Variants in HJURP observed in about 807,000 individuals in gnomAD.
HJURP encodes the protein Holliday junction recognition protein.
HJURP carries 49 observed loss-of-function variants against 72.0 expected under a neutral mutation model. That is an observed-to-expected ratio of 0.68 (90% CI 0.54 to 0.86). The LOEUF (loss-of-function observed/expected upper bound fraction) is 0.86, where lower values mean the gene tolerates loss of function less well. Ranked by LOEUF, HJURP falls within the 40% of genes least tolerant of loss-of-function variation. The pLI is 0.00. For missense variants in HJURP, 908 were observed against 936.3 expected (o/e 0.97, Z 0.39); for synonymous variants, 357 against 347.1 (o/e 1.03, Z -0.32).
chr2:233,852,870 G>A (rs1181100097), intron 2 of HJURP, among the ~76,000 whole-genome samples: 1 of 152,128 alleles, frequency 6.6e-6, no homozygotes, highest in East Asian at 1.9e-4. Flanking sequence ...AGCCCAAAAA[G>A]TTAAATGAAA....
At chr2:233,842,257 C>T in intron 7 of HJURP, 52 bp from the exon 8 acceptor site, 1 of 1,453,088 alleles carries the variant, frequency 6.9e-7, no homozygotes, top group Non-Finnish European at 9.3e-7. Flanking sequence ...TCTAAACCAT[C>T]CATGTGCACA....
rs757273823 is a variant in HJURP, at chr2:233,849,820, C to A, written c.280G>T (p.Val94Leu). The stretch of plus-strand genomic sequence containing the variant: ...TCAGGACCCCAGGCTGCAGCTTGCA[C>A]GGAGCCATCTGTCCTGTCCGCGGGC... ...MKPADRTDGS[V>L]QAAAWGPELP... The change falls in exon 4 of 9, where the codon GTG (valine) becomes TTG (leucine). Residue 94 changes from valine to leucine, a missense_variant. Physicochemically the swap from Val to Leu is conservative, Grantham distance 32 (BLOSUM62 1). Coordinates refer to ENST00000411486, the MANE Select transcript of HJURP (RefSeq NM_018410.5). 1.3e-6 allele frequency: 2 copies of A among 1,554,312 alleles called. No homozygotes were observed. Among genetic ancestry groups the A allele is most frequent in the African/African-American group, 1.4e-5 (1 of 73,402 alleles).
chr2:233,838,104 G>A (rs1705125641), intron 8 of HJURP, among the ~76,000 whole-genome samples: 1 of 152,252 alleles, frequency 6.6e-6, no homozygotes, highest in Admixed American at 6.5e-5. Flanking sequence ...CGTTAGGCAT[G>A]AAAACTCCAT....
At chr2:233,854,038 A>G in intron 1 of HJURP, 128 bp from the exon 2 acceptor site, 1 of 754,810 alleles carries the variant, frequency 1.3e-6, no homozygotes, top group Non-Finnish European at 2.2e-6. Context: ...CGGTCTCTGC[A>G]GCGGAGCCCC....
At chr2:233,840,464 G>T in intron 8 of HJURP, 145 bp downstream of exon 8, 1 of 812,826 alleles carries the variant, frequency 1.2e-6, no homozygotes, top group Non-Finnish European at 1.9e-6. Context: ...AAAAGCATTT[G>T]GGAGAAAGCT....
At position 233,840,897 on chromosome 2, in the gene HJURP, T is replaced by C; in HGVS notation, c.1883A>G (p.Asn628Ser). The change falls in exon 8 of 9, where the codon AAT becomes AGT. Residue 628 changes from asparagine to serine, a missense_variant. By Grantham distance (46) the Asn-to-Ser change is conservative. Around this residue, in one of 3 missense-constraint regions of HJURP, gnomAD observed 598 missense variants for 619.5 expected, o/e 0.97. Transcript: ENST00000411486. Reference protein sequence around the residue: ...YQTEGFLGKLNPDPHFQGFQK... With the variant: ...YQTEGFLGKLSPDPHFQGFQK... ...GAAACCCTGGAAGTGAGGGTCTGGA[T>C]TTAATTTTCCTAAGAAGCCTTCTGT... 6.2e-7 allele frequency: 1 copy of C among 1,614,132 alleles called. No homozygotes were observed. The highest frequency in any genetic ancestry group is 8.5e-7 in the Non-Finnish European group (1 of 1,180,022).
chr2:233,852,433 G>T, intron 3 of HJURP, 132 bp downstream of exon 3: 1 of 649,232 alleles, frequency 1.5e-6, no homozygotes, highest in Non-Finnish European at 2.8e-6. Flanking sequence ...AACAGAAAGA[G>T]TATAATCATG....
intron 7 of HJURP, among the ~76,000 whole-genome samples, chr2:233,843,675 C>T (rs28900707): frequency 0.03 from 4,513 of 152,160 alleles, 215 homozygotes; most frequent in African/African-American, 0.1. Context: ...GGTCCGGAAA[C>T]GATCAGGCAA....
chr2:233,841,400 G>A lies in HJURP; in HGVS notation c.1380C>T (p.Asp460=), dbSNP rs1330900337. 6.2e-7 allele frequency: 1 copy of A among 1,614,174 alleles called. No homozygotes were observed. The highest frequency in any genetic ancestry group is 2.2e-5 in the East Asian group (1 of 44,884). The change falls in exon 8 of 9, where the codon GAC becomes GAT. Residue 460 remains aspartate (D), a synonymous_variant. Transcript: ENST00000411486. ...CTCTGTACATGTTCATGGCCCAGGA[G>A]TCCGGGAGGCACATCCGGCGAGGCT... ...RNQPRRMCLP[D]SWAMNMYRGG...
At chr2:233,849,515 G>A (rs924988757) in intron 4 of HJURP, among the ~76,000 whole-genome samples, 1 of 152,162 alleles carries the variant, frequency 6.6e-6, no homozygotes, top group Non-Finnish European at 1.5e-5. Context: ...TTTTCACATG[G>A]AGGGGCATGT....
rs763855660 is a variant in HJURP, at chr2:233,840,808, C to G, written c.1972G>C (p.Ala658Pro). ...KSLLGSTAIE[A>P]PSSTCVARAI... is the part of the protein sequence containing the mutation. The stretch of plus-strand genomic sequence containing the variant: ...CGAGCAACACATGTAGATGAAGGAG[C>G]CTCAATTGCAGTTGAGCCCAGTAGA... Residue 658 changes from alanine (A) to proline (P), a missense_variant, in exon 8 of 9, where the codon GCT becomes CCT. This residue lies in a region of HJURP where 598 missense variants were observed against 619.5 expected (regional missense o/e 0.97). Coordinates refer to ENST00000411486, the MANE Select transcript of HJURP (RefSeq NM_018410.5). 3.1e-6 allele frequency: 5 copies of G among 1,613,328 alleles called. No individual in the cohort carries two copies. The highest frequency in any genetic ancestry group is 4.5e-5 in the East Asian group (2 of 44,862).
chr2:233,837,301 C>T lies in HJURP; in HGVS notation c.*276G>A. On this transcript the variant is annotated 3_prime_UTR_variant, in exon 9 of 9. Transcript: ENST00000411486. The stretch of plus-strand genomic sequence containing the variant: ...ACTGTCTCAAAAACAAACAAACAAA[C>T]AAACAAACAAACAAATAACCCCCCC... 1.2e-5 allele frequency: 4 copies of T among 340,210 alleles called. No homozygotes were observed. In the South Asian group the frequency reaches 1.5e-4, roughly 13 times the overall value. The allele number at this position is 340,210 out of a possible 1,614,324, so 21.1% of individuals were successfully genotyped here.
At chr2:233,854,034 C>A in intron 1 of HJURP, 124 bp from the exon 2 acceptor site, 1 of 788,718 alleles carries the variant, frequency 1.3e-6, no homozygotes. Context: ...AACGCGGTCT[C>A]TGCAGCGGAG....
chr2:233,839,600 C>T (rs1319427384), intron 8 of HJURP, among the ~76,000 whole-genome samples: 1 of 152,204 alleles, frequency 6.6e-6, no homozygotes. Flanking sequence ...AGGCAGGCAC[C>T]ACAGAAGGAA....
chr2:233,841,204 T>C lies in HJURP; in HGVS notation c.1576A>G (p.Lys526Glu), dbSNP rs1163610137. ...GTTGCGCTGTGTGTGGGGTTGGTCT[T>C]TGGAAGTGATGAAGATGAATCGCTC... ...PKSDSSSSLPKTNPTHSATRP... is the reference protein window; with the variant it reads ...PKSDSSSSLPETNPTHSATRP... Residue 526 changes from lysine (K) to glutamate (E), a missense_variant, in exon 8 of 9, where the codon AAG becomes GAG. Physicochemically the swap from Lys to Glu is moderately conservative, Grantham distance 56 (BLOSUM62 1). Coordinates refer to ENST00000411486, the MANE Select transcript of HJURP (RefSeq NM_018410.5). 3 of 1,614,014 alleles carry C rather than the reference T, an allele frequency of 1.9e-6. No homozygotes were observed. Among genetic ancestry groups the C allele is most frequent in the African/African-American group, 2.7e-5 (2 of 74,898 alleles).
rs139093744 is a variant in HJURP, at chr2:233,840,706, C to T, written c.2074G>A (p.Gly692Arg). 94 of 1,614,020 alleles carry T rather than the reference C, an allele frequency of 5.8e-5. No individual in the cohort carries two copies. The African/African-American group carries it at 7.7e-4, about 13-fold the overall frequency. The change falls in exon 8 of 9, where the codon GGA becomes AGA. Residue 692 changes from glycine (G) to arginine (R), a missense_variant. Transcript: ENST00000411486. ...RPRLSEPQGS[G>R]RQGNSLGASD... ...GCACCCAGGGAATTGCCCTGGCGTC[C>T]GGAGCCCTGGGGTTCTGATAGCCTG...
chr2:233,852,622 TGAA>T lies in HJURP; in HGVS notation c.185-5_185-3del. ...GTCTTCCACCCCAAATTCTCAATCC[TGAA>T]GAAAAGAAACAAAAATGACCATTTA... On this transcript the variant is annotated splice_polypyrimidine_tract_variant and splice_region_variant and intron_variant, in intron 2 of 8. Transcript: ENST00000411486. 6.3e-7 allele frequency: 1 copy of T among 1,599,640 alleles called. No homozygotes were observed. The highest frequency in any genetic ancestry group is 8.6e-7 in the Non-Finnish European group (1 of 1,166,722).
rs757273823 is a variant in HJURP at position 233,849,820 on chromosome 2, C to T, written c.280G>A (p.Val94Met). The T allele has an allele frequency of 3.4e-5, 53 of 1,554,194 alleles. No homozygotes were observed. In the East Asian group the frequency reaches 6.8e-4, roughly 20 times the overall value. Residue 94 changes from valine to methionine, a missense_variant, in exon 4 of 9, where the codon GTG becomes ATG. Coordinates refer to ENST00000411486, the MANE Select transcript of HJURP (RefSeq NM_018410.5). ...TCAGGACCCCAGGCTGCAGCTTGCA[C>T]GGAGCCATCTGTCCTGTCCGCGGGC... ...MKPADRTDGS[V>M]QAAAWGPELP...
intron 3 of HJURP, among the ~76,000 whole-genome samples, chr2:233,851,474 G>A (rs1379706938): frequency 6.6e-6 from 1 of 152,012 alleles, no homozygotes; most frequent in Non-Finnish European, 1.5e-5. Context: ...TGTATCATCC[G>A]GCCCTTTGTG....
Sources: allele counts gnomAD v4.1 joint callset (sites outside exome capture counted in the v4.1 genomes callset), GRCh38; gene constraint gnomAD v4.1.1; regional missense constraint gnomAD v4.1.1; transcripts MANE v1.5; gene names NCBI Gene and HGNC (gene_info 2026-07-23, HGNC 2026-07-21).